GPHN: variants seen among roughly 807,000 people sequenced by gnomAD.
GPHN encodes gephyrin.
Under a neutral mutation model 95.5 loss-of-function variants are expected in GPHN, and 17 were observed. The ratio of observed to expected loss-of-function variants is 0.18; its 90% CI spans 0.12 to 0.27. The LOEUF (loss-of-function observed/expected upper bound fraction) is 0.27. GPHN is among the 10% of genes least tolerant of loss of function. The pLI, the probability that GPHN is intolerant of heterozygous loss-of-function variation, is 1.00. For synonymous variants in GPHN, 320 were observed against 322.5 expected, an observed-to-expected ratio of 0.99 and a Z score of 0.08; for missense variants, 660 against 978.1, an observed-to-expected ratio of 0.67 and a Z score of 4.34.
intron 5 of GPHN, among the ~76,000 whole-genome samples, chr14:66,885,756 GA>G (rs2064155487): frequency 6.6e-6 from 1 of 151,204 alleles, no homozygotes; most frequent in Non-Finnish European, 1.5e-5. Flanking sequence ...ATGCCCAGAG[GA>G]AAAGGCAGGC....
intron 8 of GPHN, among the ~76,000 whole-genome samples, chr14:66,942,902 G>T (rs1290038474): frequency 1.3e-5 from 2 of 152,074 alleles, no homozygotes; most frequent in African/African-American, 4.8e-5. Flanking sequence ...TTATGAAATA[G>T]AATTCCAGAT....
the GPHN span, among the ~76,000 whole-genome samples, chr14:67,215,829 G>A: frequency 1.3e-5 from 2 of 152,070 alleles, no homozygotes; most frequent in Admixed American, 6.6e-5. Context: ...CAAATCCAGT[G>A]CCCCCAACCC....
At chr14:67,023,781 G>A in intron 10 of GPHN, 106 bp downstream of exon 10, 1 of 872,332 alleles carries the variant, frequency 1.1e-6, no homozygotes, top group Non-Finnish European at 1.9e-6. Flanking sequence ...ATATTTATGT[G>A]ACAAATATGA....
chr14:66,955,808 G>A (rs908167586), intron 8 of GPHN, among the ~76,000 whole-genome samples: 3 of 152,004 alleles, frequency 2.0e-5, no homozygotes, highest in African/African-American at 7.2e-5. Flanking sequence ...TGCGGTGTTT[G>A]GATTTTTGTC....
At chr14:67,690,428 A>C in the GPHN span, 9 of 1,612,418 alleles carry the variant, frequency 5.6e-6, no homozygotes, top group South Asian at 8.8e-5. Context: ...TGACCTGTTG[A>C]GAAATACTAG....
At chr14:67,313,733 G>A in the GPHN span, among the ~76,000 whole-genome samples, 2 of 151,972 alleles carry the variant, frequency 1.3e-5, no homozygotes, top group Middle Eastern at 3.4e-3. Flanking sequence ...GATAAACTTC[G>A]CTTACATACT....
At chr14:67,464,816 T>C in the GPHN span, among the ~76,000 whole-genome samples, 6 of 152,252 alleles carry the variant, frequency 3.9e-5, no homozygotes, top group African/African-American at 1.4e-4. Context: ...CCTTCACACA[T>C]GCTGTGCTTT....
At chr14:66,804,216 C>T (rs773475426) in intron 3 of GPHN, among the ~76,000 whole-genome samples, 9 of 152,132 alleles carry the variant, frequency 5.9e-5, no homozygotes, top group Admixed American at 1.3e-4. Context: ...AGCTGGGCTA[C>T]GAACATGGTG....
chr14:66,831,767 C>T (rs1299046029), intron 4 of GPHN, among the ~76,000 whole-genome samples: 3 of 152,128 alleles, frequency 2.0e-5, no homozygotes, highest in Non-Finnish European at 4.4e-5. Context: ...TAAAAATAGT[C>T]AATAATAACA....
At chr14:67,391,367 G>A in the GPHN span, among the ~76,000 whole-genome samples, 3 of 150,892 alleles carry the variant, frequency 2.0e-5, no homozygotes, top group South Asian at 6.3e-4. Flanking sequence ...AGCCCTCCTA[G>A]TCAGGAACAC....
chr14:67,592,575 A>G, the GPHN span: 1 of 1,003,054 alleles, frequency 1.0e-6, no homozygotes, highest in Non-Finnish European at 1.6e-6. Flanking sequence ...AAAGGAATTT[A>G]CATTCCTAAT....
At chr14:67,123,999 T>C (rs2079154698) in intron 17 of GPHN, among the ~76,000 whole-genome samples, 1 of 151,530 alleles carries the variant, frequency 6.6e-6, no homozygotes, top group Admixed American at 6.6e-5. Flanking sequence ...GTTCTCTTCT[T>C]TCCTCCTGAT....
chr14:67,442,514 A>T, the GPHN span, among the ~76,000 whole-genome samples: 1 of 152,226 alleles, frequency 6.6e-6, no homozygotes, highest in African/African-American at 2.4e-5. Flanking sequence ...TTCTCCTTCC[A>T]AAGAAGGTGA....
the GPHN span, chr14:67,685,038 C>T: frequency 2.2e-5 from 35 of 1,612,140 alleles, no homozygotes; most frequent in African/African-American, 2.1e-4. Flanking sequence ...CACTTAGAAT[C>T]TCAAGACCTT....
At position 66,816,173 on chromosome 14, in the gene GPHN, C is replaced by G. The variant is rs1322842297; in HGVS notation, c.202-8301C>G. On this transcript the variant is annotated intron_variant, in intron 3 of 22. Transcript: ENST00000478722. ...CACTCATAAAGTAGGTTCTTAGGGA[C>G]CTTCAAAGACACTTAGACTCCCACA... Among the ~76,000 whole-genome samples the G allele has an allele frequency of 2.0e-5, 3 of 152,086 alleles. No homozygotes were observed. In the East Asian group the frequency reaches 5.8e-4, roughly 29 times the overall value.
At chr14:67,527,918 G>A in the GPHN span, among the ~76,000 whole-genome samples, 3 of 152,192 alleles carry the variant, frequency 2.0e-5, no homozygotes, top group Middle Eastern at 3.2e-3. Context: ...CTTTGAGGAG[G>A]GGAGGTCAAG....
chr14:66,795,001 G>A (rs899249262), intron 3 of GPHN, among the ~76,000 whole-genome samples: 3 of 152,106 alleles, frequency 2.0e-5, no homozygotes, highest in Non-Finnish European at 4.4e-5. Flanking sequence ...CAGCTTCTCT[G>A]GAGGCTGAGG....
the GPHN span, among the ~76,000 whole-genome samples, chr14:67,261,474 G>GT: frequency 1.3e-5 from 2 of 152,078 alleles, no homozygotes; most frequent in African/African-American, 4.8e-5. Context: ...AAATACTTCA[G>GT]TTTTACCCCA....
At chr14:66,921,056 CAT>C (rs1209254168) in intron 6 of GPHN, among the ~76,000 whole-genome samples, 7 of 152,262 alleles carry the variant, frequency 4.6e-5, no homozygotes, top group South Asian at 2.1e-4. Context: ...CTGCTATAAA[CAT>C]GTGTGTGCAA....
Sources: gnomAD v4.1 joint callset for allele counts (sites outside exome capture counted in the v4.1 genomes callset) on GRCh38, gnomAD v4.1.1 for gene constraint, MANE v1.5 for transcripts, NCBI Gene and HGNC (gene_info 2026-07-23, HGNC 2026-07-21) for gene names.